MYH14: variants seen among roughly 807,000 people sequenced by gnomAD.
The protein encoded by MYH14 is myosin-14.
In MYH14, 123 loss-of-function variants were observed where a neutral mutation model predicts 255.5. The observed-to-expected ratio is 0.48, with a 90% CI of 0.42 to 0.56. MYH14 has a LOEUF of 0.56. MYH14 is among the 20% of genes least tolerant of loss of function. MYH14 has a pLI of 0.00. For missense variants in MYH14, 2,423 were observed against 2,802.3 expected (o/e 0.86, Z 3.06); for synonymous variants, 1,095 against 1,161.2 (o/e 0.94, Z 1.16).
intron 30 of MYH14, among the ~76,000 whole-genome samples, chr19:50,278,548 AT>A (rs1020431073): frequency 2.0e-5 from 3 of 151,338 alleles, no homozygotes; most frequent in African/African-American, 7.3e-5. Flanking sequence ...AAAAAAAAAA[AT>A]TTTAATTAGC....
chr19:50,263,056 C>T (rs1036730950), intron 21 of MYH14, among the ~76,000 whole-genome samples: 1 of 151,968 alleles, frequency 6.6e-6, no homozygotes, highest in Non-Finnish European at 1.5e-5. Flanking sequence ...AAAAATTAGC[C>T]GAGTGTTGTG....
rs751530276 is a variant in MYH14, at chr19:50,249,814, C to G, written c.1647C>G (p.Ile549Met). ...GLDLQPCIDL[I>M]ERPANPPGLL... ...ACCTGCAGCCCTGCATCGACCTCAT[C>G]GAGCGGCCGGTGAGCCCCAGGCCCC... Residue 549 changes from isoleucine to methionine, a missense_variant, in exon 14 of 43, where the codon ATC (isoleucine) becomes ATG (methionine). Around this residue, in one of 3 missense-constraint regions of MYH14, gnomAD observed 672 missense variants for 881.8 expected, o/e 0.76. Coordinates refer to ENST00000642316, the MANE Select transcript of MYH14 (RefSeq NM_001145809.2). 10 of 1,614,066 alleles carry G rather than the reference C, an allele frequency of 6.2e-6. No individual in the cohort carries two copies. Among genetic ancestry groups the G allele is most frequent in the Non-Finnish European group, 8.5e-6 (10 of 1,180,028 alleles).
chr19:50,259,314 C>G, intron 19 of MYH14, 49 bp downstream of exon 19: 1 of 1,547,340 alleles, frequency 6.5e-7, no homozygotes, highest in Admixed American at 2.0e-5. Context: ...GGGTGGGACC[C>G]GGGTCTGGAA....
At chr19:50,292,411 C>T in intron 37 of MYH14, 22 bp downstream of exon 37, 1 of 1,545,028 alleles carries the variant, frequency 6.5e-7, no homozygotes, top group East Asian at 2.5e-5. Flanking sequence ...GTAGGCTGGG[C>T]CCTGGGACAG....
At chr19:50,224,675 G>A in intron 6 of MYH14, 4 of 405,538 alleles carry the variant, frequency 9.9e-6, no homozygotes, top group South Asian at 7.2e-5. Flanking sequence ...CACCAAGGGG[G>A]CTGGAGGGAA....
At chr19:50,213,541 A>T (rs1214852056) in intron 2 of MYH14, among the ~76,000 whole-genome samples, 2 of 152,182 alleles carry the variant, frequency 1.3e-5, no homozygotes, top group Non-Finnish European at 2.9e-5. Context: ...GGGCCTAAGA[A>T]ATGAATGTGA....
Position 50,210,758 on chromosome 19 carries a change from C to T in MYH14, c.393C>T (p.Ser131=), listed in dbSNP as rs778036519. 1.1e-5 allele frequency: 18 copies of T among 1,574,096 alleles called. No homozygotes were observed. Among genetic ancestry groups the T allele is most frequent in the Admixed American group, 3.7e-5 (2 of 53,966 alleles). The change falls in exon 2 of 43, where the codon TCC becomes TCT. Residue 131 remains serine (S), a synonymous_variant. Coordinates refer to ENST00000642316, the MANE Select transcript of MYH14 (RefSeq NM_001145809.2). The part of the protein sequence containing the change: ...VLHNLRERYY[S]GLIYTYSGLF... ...ACAACCTCCGGGAGCGGTACTACTC[C>T]GGCCTCATCTACGTGAGTGGGCTCC...
chr19:50,223,373 C>T (rs1309017363), intron 5 of MYH14, 24 bp downstream of exon 5: 1 of 1,476,216 alleles, frequency 6.8e-7, no homozygotes, highest in Non-Finnish European at 9.3e-7. Flanking sequence ...CCTTGGGTCA[C>T]CCCCGGGCCC....
intron 22 of MYH14, among the ~76,000 whole-genome samples, chr19:50,264,294 A>G (rs1230251016): frequency 6.6e-6 from 1 of 152,118 alleles, no homozygotes; most frequent in African/African-American, 2.4e-5. Flanking sequence ...GGCATGGACA[A>G]GGTCACACAC....
intron 3 of MYH14, among the ~76,000 whole-genome samples, chr19:50,222,479 CAAAAA>C (rs542179852): frequency 7.2e-5 from 5 of 69,864 alleles, no homozygotes; most frequent in African/African-American, 6.0e-5. Context: ...GACTCCGTCT[CAAAAA>C]AAAAAAAAAA....
At chr19:50,223,418 C>G (rs756437933) in intron 5 of MYH14, 69 bp downstream of exon 5, 2 of 1,093,754 alleles carry the variant, frequency 1.8e-6, no homozygotes, top group Non-Finnish European at 2.7e-6. Context: ...TTGGGCTTTC[C>G]CCACAATTGT....
At chr19:50,224,267 G>T in intron 6 of MYH14, 90 bp downstream of exon 6, 1 of 1,562,662 alleles carries the variant, frequency 6.4e-7, no homozygotes, top group South Asian at 1.1e-5. Flanking sequence ...CAGGGCCCAA[G>T]GCAGCAGTGG....
rs752014123 is a variant in MYH14 at position 50,293,522 on chromosome 19, A to G, written c.5346-42A>G. 1.9e-6 allele frequency: 3 copies of G among 1,609,042 alleles called. No individual in the cohort carries two copies. Among genetic ancestry groups the G allele is most frequent in the South Asian group, 2.2e-5 (2 of 90,186 alleles). On this transcript the variant is annotated intron_variant, in intron 38 of 42. Coordinates refer to ENST00000642316, the MANE Select transcript of MYH14 (RefSeq NM_001145809.2). The surrounding 1 kb of genome is among the most constrained non-coding windows in gnomAD (Gnocchi z 4.1). ...GTGTGAGGCAAGGCACCCTCCTCTG[A>G]CCATCCTGTCCTTTCATCCCCACGC...
intron 30 of MYH14, among the ~76,000 whole-genome samples, chr19:50,278,856 C>T (rs113276077): frequency 0.1 from 15,651 of 150,116 alleles, 947 homozygotes; most frequent in Middle Eastern, 0.17. Flanking sequence ...GGCGTGATGG[C>T]GCATGCCTGT....
chr19:50,260,850 T>TGTGTG lies in MYH14; in HGVS notation c.2424+136_2424+140dup, dbSNP rs1327213705. On this transcript the variant is annotated intron_variant, in intron 20 of 42. Coordinates refer to ENST00000642316, the MANE Select transcript of MYH14 (RefSeq NM_001145809.2). The stretch of plus-strand genomic sequence containing the variant: ...GTGTGTGCATGCACGTGTGTGCGTG[T>TGTGTG]GTGTGTGCATGCATATGTGTGCATG... The TGTGTG allele has an allele frequency of 2.3e-5, 16 of 693,302 alleles. No homozygotes were observed. In the African/African-American group the frequency reaches 2.4e-4, roughly 10 times the overall value. 42.9% of individuals were successfully genotyped at this position (693,302 alleles called of 1,614,324 possible). A position where few individuals can be genotyped will look rare whatever the true frequency, so the allele number is the denominator to read the frequency against.
chr19:50,303,196 G>A (rs2036551491), intron 40 of MYH14, among the ~76,000 whole-genome samples: 2 of 152,156 alleles, frequency 1.3e-5, no homozygotes, highest in African/African-American at 2.4e-5. Context: ...CATCCGCTCA[G>A]TTGAGGGTCA....
intron 1 of MYH14, among the ~76,000 whole-genome samples, chr19:50,207,271 C>CAGAGACAGAG (rs2031835976): frequency 3.9e-5 from 3 of 76,806 alleles, no homozygotes; most frequent in African/African-American, 1.5e-4. Context: ...GAGAGAGAGA[C>CAGAGACAGAG]AGAGAGAGAG....
At chr19:50,243,333 G>A (rs1446719115) in intron 10 of MYH14, among the ~76,000 whole-genome samples, 1 of 152,182 alleles carries the variant, frequency 6.6e-6, no homozygotes, top group Non-Finnish European at 1.5e-5. Flanking sequence ...CTACTTGGGA[G>A]GGTGAGGCAG....
At chr19:50,248,328 A>C (rs2034214626) in intron 12 of MYH14, among the ~76,000 whole-genome samples, 1 of 152,178 alleles carries the variant, frequency 6.6e-6, no homozygotes, top group Non-Finnish European at 1.5e-5. Flanking sequence ...AATTGGGTTC[A>C]GGGATGCAGG....
Sources: allele counts gnomAD v4.1 joint callset (sites outside exome capture counted in the v4.1 genomes callset), GRCh38; gene constraint gnomAD v4.1.1; regional missense constraint gnomAD v4.1.1; non-coding constraint Gnocchi (gnomAD v3.1); transcripts MANE v1.5; gene names NCBI Gene and HGNC (gene_info 2026-07-23, HGNC 2026-07-21).